The following DNAJC1 variants were observed in gnomAD, a reference collection of about 807,000 sequenced individuals.
The protein encoded by DNAJC1 is dnaJ homolog subfamily C member 1.
Under a neutral mutation model 76.6 loss-of-function variants are expected in DNAJC1, and 58 were observed. That is an observed-to-expected ratio of 0.76 (90% CI 0.61 to 0.94). DNAJC1 has a LOEUF of 0.94. DNAJC1 is among the 40% of genes least tolerant of loss of function. The pLI is 0.00. For synonymous variants in DNAJC1, 258 were observed against 267.9 expected, an observed-to-expected ratio of 0.96 and a Z score of 0.36; for missense variants, 689 against 677.3, an observed-to-expected ratio of 1.02 and a Z score of -0.19.
chr10:21,858,823 T>G (rs534974853), intron 8 of DNAJC1, among the ~76,000 whole-genome samples: 6 of 152,360 alleles, frequency 3.9e-5, no homozygotes, highest in Non-Finnish European at 8.8e-5. Context: ...TTATTTGTTA[T>G]AATATTTATG....
intron 1 of DNAJC1, among the ~76,000 whole-genome samples, chr10:21,953,821 TAAAAAAAAAA>T (rs779370823): frequency 8.2e-5 from 7 of 84,940 alleles, no homozygotes; most frequent in South Asian, 4.1e-4. Flanking sequence ...AACTGAACTT[TAAAAAAAAAA>T]AAAAAAAAAA....
chr10:21,838,584 AT>A (rs1238981331), intron 8 of DNAJC1, among the ~76,000 whole-genome samples: 1 of 152,072 alleles, frequency 6.6e-6, no homozygotes, highest in East Asian at 1.9e-4. Context: ...ACCCTGCCAA[AT>A]CCCCCTCCAT....
intron 8 of DNAJC1, among the ~76,000 whole-genome samples, chr10:21,872,001 A>C (rs1184985246): frequency 6.6e-6 from 1 of 152,072 alleles, no homozygotes; most frequent in East Asian, 1.9e-4. Flanking sequence ...TATGGCTGAC[A>C]TAAAGAAAAA....
intron 8 of DNAJC1, among the ~76,000 whole-genome samples, chr10:21,821,473 A>G (rs1405823919): frequency 6.6e-6 from 1 of 152,186 alleles, no homozygotes; most frequent in African/African-American, 2.4e-5. Flanking sequence ...AATGCCTGAA[A>G]CACATTATAA....
In DNAJC1 at chr10:21,972,867, G is replaced by T. The variant is rs539188715; in HGVS notation, c.222+30346C>A. Among the ~76,000 whole-genome samples the T allele has an allele frequency of 4.6e-5, 7 of 151,982 alleles. No homozygotes were observed. The South Asian group carries it at 1.3e-3, about 27-fold the overall frequency. On this transcript the variant is annotated intron_variant, in intron 1 of 11. Coordinates refer to ENST00000376980, the MANE Select transcript of DNAJC1 (RefSeq NM_022365.4). The stretch of plus-strand genomic sequence containing the variant: ...ATTTCAGGTTGAAAATAGAACCAGA[G>T]AACCTAAATACAATAATATTTTCCA...
chr10:21,941,158 A>G (rs1837403780), intron 1 of DNAJC1, among the ~76,000 whole-genome samples: 1 of 149,602 alleles, frequency 6.7e-6, no homozygotes, highest in Non-Finnish European at 1.5e-5. Flanking sequence ...AGTCCCAGCT[A>G]CTCGGGAGGC....
intron 9 of DNAJC1, among the ~76,000 whole-genome samples, chr10:21,791,256 C>A (rs1270160872): frequency 6.6e-6 from 1 of 152,104 alleles, no homozygotes; most frequent in Non-Finnish European, 1.5e-5. Context: ...ATTATTAGAT[C>A]TAAAGGGAGA....
chr10:21,864,935 T>C (rs770264434), intron 8 of DNAJC1, among the ~76,000 whole-genome samples: 1 of 151,894 alleles, frequency 6.6e-6, no homozygotes, highest in Non-Finnish European at 1.5e-5. Flanking sequence ...TCATAAAACA[T>C]GATATTCAAA....
At chr10:21,906,285 C>A (rs539209114) in intron 6 of DNAJC1, among the ~76,000 whole-genome samples, 2 of 152,206 alleles carry the variant, frequency 1.3e-5, no homozygotes, top group South Asian at 2.1e-4. Flanking sequence ...TACTCATCCT[C>A]CCATGCCCAT....
chr10:21,979,679 C>T (rs985255224), intron 1 of DNAJC1, among the ~76,000 whole-genome samples: 2 of 151,370 alleles, frequency 1.3e-5, no homozygotes, highest in African/African-American at 4.8e-5. Context: ...AGACAGAATA[C>T]CTGTAAAGGA....
chr10:21,994,489 C>A (rs1489192536), intron 1 of DNAJC1, among the ~76,000 whole-genome samples: 1 of 152,072 alleles, frequency 6.6e-6, no homozygotes, highest in Non-Finnish European at 1.5e-5. Context: ...AACTAAAATG[C>A]TTTAAACATA....
intron 8 of DNAJC1, chr10:21,865,708 G>C (rs1835986995): frequency 6.6e-6 from 1 of 151,972 alleles, no homozygotes; most frequent in Non-Finnish European, 1.5e-5. Flanking sequence ...AATATGTCTA[G>C]TTTATTTTTA....
At chr10:21,834,839 A>T (rs2666773) in intron 8 of DNAJC1, among the ~76,000 whole-genome samples, 117,483 of 152,158 alleles carry the variant, frequency 0.77, 46,305 homozygotes, top group East Asian at 0.99. Context: ...AAGCTCGAAC[A>T]GGGTGGAGCC....
intron 9 of DNAJC1, among the ~76,000 whole-genome samples, chr10:21,773,800 T>G (rs3951780): frequency 0.78 from 117,094 of 150,546 alleles, 46,474 homozygotes; most frequent in East Asian, 0.99. Flanking sequence ...TCCCTCTTTA[T>G]TAATTTTTTT....
At chr10:21,792,269 G>A (rs1834698518) in intron 9 of DNAJC1, among the ~76,000 whole-genome samples, 1 of 152,196 alleles carries the variant, frequency 6.6e-6, no homozygotes, top group Non-Finnish European at 1.5e-5. Flanking sequence ...GGCTTCACTG[G>A]TGAATTCTAT....
chr10:21,979,118 A>G (rs1056078712), intron 1 of DNAJC1, among the ~76,000 whole-genome samples: 1 of 151,762 alleles, frequency 6.6e-6, no homozygotes, highest in African/African-American at 2.4e-5. Flanking sequence ...TTTTCTTGCA[A>G]TTAAAGACAA....
chr10:21,766,026 C>T (rs770925537), intron 10 of DNAJC1, among the ~76,000 whole-genome samples: 6 of 152,160 alleles, frequency 3.9e-5, no homozygotes, highest in Non-Finnish European at 7.3e-5. Flanking sequence ...CTATAGAAGA[C>T]GATCTGTATA....
chr10:21,801,710 C>T (rs1429887011), intron 9 of DNAJC1, among the ~76,000 whole-genome samples: 1 of 152,084 alleles, frequency 6.6e-6, no homozygotes, highest in Non-Finnish European at 1.5e-5. Flanking sequence ...CAGCACTATT[C>T]ACAACAGCAA....
At chr10:21,886,257 T>G (rs971624816) in intron 7 of DNAJC1, among the ~76,000 whole-genome samples, 1 of 152,006 alleles carries the variant, frequency 6.6e-6, no homozygotes, top group African/African-American at 2.4e-5. Context: ...CCTGGACACA[T>G]ACACCCTCCT....
Sources: allele counts gnomAD v4.1 joint callset (sites outside exome capture counted in the v4.1 genomes callset), GRCh38; gene constraint gnomAD v4.1.1; transcripts MANE v1.5; gene names NCBI Gene and HGNC (gene_info 2026-07-23, HGNC 2026-07-21).